Variants in DIS3L2 observed in about 807,000 individuals in gnomAD.
DIS3L2 encodes the protein DIS3 like 3'-5' exoribonuclease 2, also known as DIS3-like exonuclease 2.
In DIS3L2, 34 loss-of-function variants were observed where a neutral mutation model predicts 97.5. That is an observed-to-expected ratio of 0.35 (90% CI 0.27 to 0.46). The LOEUF is 0.46. Among genes scored for constraint, DIS3L2 ranks in the 20% least tolerant of loss-of-function variants. The pLI is 1.00. For missense variants in DIS3L2, 1,038 were observed against 1,146.0 expected, an observed-to-expected ratio of 0.91 and a Z score of 1.36; for synonymous variants, 435 against 445.2, an observed-to-expected ratio of 0.98 and a Z score of 0.29.
intron 6 of DIS3L2, among the ~76,000 whole-genome samples, chr2:232,115,297 A>AT (rs200368820): frequency 6.6e-6 from 1 of 151,960 alleles, no homozygotes; most frequent in African/African-American, 2.4e-5. Context: ...GTGATTGAAG[A>AT]TTTTTTTAAA....
At chr2:232,338,155 A>G (rs1245903476), downstream of DIS3L2, among the ~76,000 whole-genome samples, 1 of 151,868 alleles carries the variant, frequency 6.6e-6, no homozygotes, top group East Asian at 1.9e-4. Flanking sequence ...CCAAACAGGA[A>G]GGACCAGGGC....
chr2:232,161,927 C>T (rs1690665438), intron 8 of DIS3L2, among the ~76,000 whole-genome samples: 1 of 152,048 alleles, frequency 6.6e-6, no homozygotes, highest in South Asian at 2.1e-4. Context: ...CACGCATCAC[C>T]ACGCCCAGCT....
chr2:232,104,251 G>A (rs574068568), intron 6 of DIS3L2, among the ~76,000 whole-genome samples: 2 of 152,194 alleles, frequency 1.3e-5, no homozygotes, highest in South Asian at 4.1e-4. Context: ...AGTAACTCCT[G>A]GATTCTGAGA....
chr2:232,193,194 G>A (rs1023933945), intron 9 of DIS3L2, among the ~76,000 whole-genome samples: 12 of 152,234 alleles, frequency 7.9e-5, no homozygotes, highest in Non-Finnish European at 1.8e-4. Flanking sequence ...GTTTGGGTGA[G>A]TGAATGTAAG....
At chr2:232,313,228 A>C (rs556747391) in intron 14 of DIS3L2, among the ~76,000 whole-genome samples, 35 of 152,338 alleles carry the variant, frequency 2.3e-4, no homozygotes, top group African/African-American at 8.4e-4. Context: ...GAAAATTTTT[A>C]CTGGTGTTCT....
At chr2:232,340,973 C>G (rs1258466003), downstream of DIS3L2, 5 of 468,586 alleles carry the variant, frequency 1.1e-5, no homozygotes. Context: ...GAATGCCTTC[C>G]TGGAGGTGAG....
chr2:231,970,534 A>C (rs1692875458), intron 1 of DIS3L2, among the ~76,000 whole-genome samples: 1 of 152,226 alleles, frequency 6.6e-6, no homozygotes, highest in Non-Finnish European at 1.5e-5. Flanking sequence ...AGATGTATCT[A>C]TACATAGAAA....
At chr2:232,239,354 T>C (rs1693018642) in intron 11 of DIS3L2, among the ~76,000 whole-genome samples, 1 of 152,232 alleles carries the variant, frequency 6.6e-6, no homozygotes, top group Non-Finnish European at 1.5e-5. Flanking sequence ...ACCAATTATC[T>C]GATGGTCACT....
chr2:232,292,523 C>T lies in DIS3L2; in HGVS notation c.1660-7517C>T, dbSNP rs1027235372. On this transcript the variant is annotated intron_variant, in intron 13 of 20. Coordinates refer to ENST00000325385, the MANE Select transcript of DIS3L2 (RefSeq NM_152383.5). This position sits in a 1 kb window ranked among gnomAD's most constrained non-coding sequence, Gnocchi z 4.4. ...GAGTCTGGGGAAGATTCTCCTCTCC[C>T]AAGGGTCCTAGTCCCTTCAACTCAT... Among the ~76,000 whole-genome samples the T allele has an allele frequency of 4.6e-5, 7 of 152,212 alleles. No homozygotes were observed. The highest frequency in any genetic ancestry group is 1.7e-4 in the African/African-American group (7 of 41,470).
intron 5 of DIS3L2, among the ~76,000 whole-genome samples, chr2:232,080,181 A>C (rs1220439297): frequency 2.0e-5 from 3 of 152,164 alleles, no homozygotes; most frequent in Non-Finnish European, 2.9e-5. Flanking sequence ...GTGGGGAATG[A>C]GAGGGAGAGG....
At position 232,333,969 on chromosome 2, in the gene DIS3L2, C is replaced by G; in HGVS notation, c.2140C>G (p.Leu714Val). ...CTTTGCCGACGTCCTGGTGCACCGC[C>G]TCCTGGCTGCCGCGTTAGGTGAGGG... ...RRFADVLVHRLLAAALGYRER... is the reference protein window; with the variant it reads ...RRFADVLVHRVLAAALGYRER... The change falls in exon 17 of 21, where the codon CTC (leucine) becomes GTC (valine). Residue 714 changes from leucine to valine, a missense_variant. Around this residue, in one of 3 missense-constraint regions of DIS3L2, gnomAD observed 221 missense variants for 246.9 expected, o/e 0.90. Transcript: ENST00000325385. 6.2e-7 allele frequency: 1 copy of G among 1,611,994 alleles called. No homozygotes were observed. The highest frequency in any genetic ancestry group is 8.5e-7 in the Non-Finnish European group (1 of 1,179,468).
intron 5 of DIS3L2, among the ~76,000 whole-genome samples, chr2:232,052,709 T>C (rs1695443947): frequency 6.6e-6 from 1 of 152,212 alleles, no homozygotes; most frequent in South Asian, 2.1e-4. Context: ...TACTCATCTT[T>C]CTAGACTGGT....
chr2:231,981,089 A>C (rs55857030), intron 1 of DIS3L2, among the ~76,000 whole-genome samples: 1,712 of 152,168 alleles, frequency 0.011, 19 homozygotes, highest in Non-Finnish European at 0.016. Flanking sequence ...GATTACAGGC[A>C]TGCACCACCA....
At chr2:232,163,779 T>C in intron 9 of DIS3L2, 147 bp downstream of exon 9, 1 of 837,926 alleles carries the variant, frequency 1.2e-6, no homozygotes, top group Non-Finnish European at 1.7e-6. Context: ...GTTGGCAAAT[T>C]ATGGCCCACA....
chr2:231,985,729 T>A (rs1473464073), intron 1 of DIS3L2, among the ~76,000 whole-genome samples: 1 of 152,246 alleles, frequency 6.6e-6, no homozygotes, highest in Non-Finnish European at 1.5e-5. Context: ...TTTGACTACA[T>A]CCTTACTCCC....
intron 5 of DIS3L2, among the ~76,000 whole-genome samples, chr2:232,043,649 C>G (rs1410055438): frequency 6.6e-6 from 1 of 152,156 alleles, no homozygotes; most frequent in South Asian, 2.1e-4. Context: ...CACCCTCAGT[C>G]ATGTAATTAT....
intron 13 of DIS3L2, among the ~76,000 whole-genome samples, chr2:232,273,103 A>G (rs1475692435): frequency 6.6e-6 from 1 of 152,122 alleles, no homozygotes; most frequent in Non-Finnish European, 1.5e-5. Context: ...CTGAAGATTG[A>G]AACTCCAAAT....
chr2:232,281,833 C>G lies in DIS3L2; in HGVS notation c.1660-18207C>G, dbSNP rs1234025719. 1.3e-5 allele frequency among the ~76,000 whole-genome samples: 2 copies of G among 152,176 alleles called. No individual in the cohort carries two copies. Among genetic ancestry groups the G allele is most frequent in the Non-Finnish European group, 2.9e-5 (2 of 68,024 alleles). On this transcript the variant is annotated intron_variant, in intron 13 of 20. Transcript: ENST00000325385. This position sits in a 1 kb window ranked among gnomAD's most constrained non-coding sequence, Gnocchi z 4.1. ...AGGTGGCTGGACCGGAAGTCTGCTG[C>G]TCCTCTTCTACCTTGCCACAGGCTG...
intron 10 of DIS3L2, among the ~76,000 whole-genome samples, chr2:232,215,460 A>G (rs1692307978): frequency 1.3e-5 from 2 of 152,202 alleles, no homozygotes. Context: ...TACTGTGCTC[A>G]AGGAAGCACC....
Sources: allele counts gnomAD v4.1 joint callset (sites outside exome capture counted in the v4.1 genomes callset), GRCh38; gene constraint gnomAD v4.1.1; regional missense constraint gnomAD v4.1.1; non-coding constraint Gnocchi (gnomAD v3.1); transcripts MANE v1.5; gene names NCBI Gene and HGNC (gene_info 2026-07-23, HGNC 2026-07-21).